The following SLC12A2 variants were observed in gnomAD, a reference collection of about 807,000 sequenced individuals.
SLC12A2 encodes Na-K-2Cl cotransporter 1.
A neutral mutation model predicts 136.3 loss-of-function variants in SLC12A2; 67 were observed. The ratio of observed to expected loss-of-function variants is 0.49; its 90% CI spans 0.40 to 0.60. The LOEUF (loss-of-function observed/expected upper bound fraction) is 0.60. SLC12A2 is among the 20% of genes least tolerant of loss of function. The pLI, the probability that SLC12A2 is intolerant of heterozygous loss-of-function variation, is 0.00. For synonymous variants in SLC12A2, 619 were observed against 562.9 expected (o/e 1.10, Z -1.41); for missense variants, 1,322 against 1,534.7 (o/e 0.86, Z 2.32).
intron 4 of SLC12A2, among the ~76,000 whole-genome samples, chr5:128,115,395 G>A (rs1194089734): frequency 6.6e-6 from 1 of 152,092 alleles, no homozygotes; most frequent in Non-Finnish European, 1.5e-5. Context: ...AAAGTGCTGG[G>A]ATTACAGGTG....
In SLC12A2 at chr5:128,137,938, C is replaced by CTT. The variant is rs775118655; in HGVS notation, c.1409-646_1409-645dup. 7.4e-3 allele frequency among the ~76,000 whole-genome samples: 1,051 copies of CTT among 141,856 alleles called. 9 individuals carry two copies. The highest frequency in any genetic ancestry group is 0.011 in the Middle Eastern group (3 of 276). The allele number at this position is 141,856 out of a possible 152,430, so 93.1% of individuals were successfully genotyped here. On this transcript the variant is annotated intron_variant, in intron 7 of 26. Coordinates refer to ENST00000262461, the MANE Select transcript of SLC12A2 (RefSeq NM_001046.3). ...TTATTATGATGTTGCTTTTGTTTTC[C>CTT]TTTTTTTTTTTTTTCTTGAGATGGG...
intron 13 of SLC12A2, 103 bp downstream of exon 13, chr5:128,150,201 A>G (rs908744121): frequency 2.9e-6 from 2 of 700,422 alleles, no homozygotes; most frequent in South Asian, 1.7e-5. Context: ...GGGTTAGTTC[A>G]TTAATGCCAA....
intron 1 of SLC12A2, among the ~76,000 whole-genome samples, chr5:128,107,482 C>T (rs1429474964): frequency 1.3e-5 from 2 of 152,284 alleles, no homozygotes; most frequent in East Asian, 1.9e-4. Flanking sequence ...GTGATGTTCC[C>T]CTCACTGTGT....
At chr5:128,133,220 G>A (rs1762085768) in intron 5 of SLC12A2, among the ~76,000 whole-genome samples, 1 of 151,882 alleles carries the variant, frequency 6.6e-6, no homozygotes, top group African/African-American at 2.4e-5. Flanking sequence ...AAATTGAATG[G>A]GACCCTTGAA....
rs145906084 is a variant in SLC12A2, at chr5:128,161,660, G to A, written c.2476G>A (p.Gly826Ser). Reference sequence around the variant, plus strand: ...ATATTATTAATATTTTTATTCAAAGGGTCCTCGAAGACAAGCCATGAAAGA... The same window carrying A: ...ATATTATTAATATTTTTATTCAAAGAGTCCTCGAAGACAAGCCATGAAAGA... ...GLMICGHVHM[G>S]PRRQAMKEMS... The change falls in exon 17 of 27, where the codon GGT (glycine) becomes AGT (serine). Residue 826 changes from glycine (G) to serine (S), a missense_variant and splice_region_variant. Gly to Ser is a moderately conservative substitution (Grantham distance 56). This residue lies in a region of SLC12A2 where 294 missense variants were observed against 436.6 expected (regional missense o/e 0.67). Transcript: ENST00000262461. 112 of 1,380,092 alleles carry A rather than the reference G, an allele frequency of 8.1e-5. No individual in the cohort carries two copies. In the African/African-American group the frequency reaches 1.6e-3, roughly 19 times the overall value. 85.5% of individuals were successfully genotyped at this position (1,380,092 alleles called of 1,614,324 possible). A position where few individuals can be genotyped will look rare whatever the true frequency, so the allele number is the denominator to read the frequency against.
At chr5:128,146,620 A>G (rs1300252928) in intron 10 of SLC12A2, among the ~76,000 whole-genome samples, 2 of 151,320 alleles carry the variant, frequency 1.3e-5, no homozygotes, top group Non-Finnish European at 3.0e-5. Flanking sequence ...TAGTATCTAC[A>G]TTACCCAGCT....
At chr5:128,085,542 C>T (rs1760070187) in intron 1 of SLC12A2, among the ~76,000 whole-genome samples, 1 of 152,192 alleles carries the variant, frequency 6.6e-6, no homozygotes. Context: ...ATTTCTTCAG[C>T]GTTCAATGTC....
chr5:128,179,948 CTTTTTTTTTTTTTTTT>C (rs70997365), intron 22 of SLC12A2, among the ~76,000 whole-genome samples: 61 of 50,454 alleles, frequency 1.2e-3, no homozygotes, highest in Non-Finnish European at 1.5e-3. Context: ...CCAATCGTTC[CTTTTTTTTTTTTTTTT>C]TTTTTTTTTT....
intron 1 of SLC12A2, among the ~76,000 whole-genome samples, chr5:128,092,231 A>G (rs1464089156): frequency 6.6e-6 from 1 of 152,230 alleles, no homozygotes; most frequent in Non-Finnish European, 1.5e-5. Flanking sequence ...CAGTATCTCA[A>G]TACCTCTCAT....
chr5:128,167,619 G>GTAAA (rs1406246519), intron 17 of SLC12A2, 142 bp from the exon 18 acceptor site: 2 of 509,236 alleles, frequency 3.9e-6, no homozygotes, highest in Non-Finnish European at 6.8e-6. Flanking sequence ...TAATTTATAA[G>GTAAA]TAAATATGAA....
At chr5:128,101,287 G>A (rs758985584) in intron 1 of SLC12A2, among the ~76,000 whole-genome samples, 93 of 152,134 alleles carry the variant, frequency 6.1e-4, no homozygotes, top group Admixed American at 1.2e-3. Flanking sequence ...CGGCCACTTT[G>A]GGGTCAAAAT....
At position 128,084,146 on chromosome 5, in the gene SLC12A2, CG is replaced by C. The variant is rs1245484410; in HGVS notation, c.196del (p.Asp66ThrfsTer76). The part of the protein sequence containing the change: ...GVRDEGPAAA[G>X]DGLGRPLGPT... ...TCCGCGATGAGGGCCCCGCGGCGGCCGGGGACGGGCTGGGCAGACCCTTGGG... is the reference window on the plus strand; with the variant it reads ...TCCGCGATGAGGGCCCCGCGGCGGCCGGGACGGGCTGGGCAGACCCTTGGG... On this transcript the variant is annotated frameshift_variant, in exon 1 of 27. Transcript: ENST00000262461. LOFTEE classifies it high-confidence loss of function. This position sits in a 1 kb window ranked among gnomAD's most constrained non-coding sequence, Gnocchi z 5.6. 3 of 1,294,526 alleles carry C rather than the reference CG, an allele frequency of 2.3e-6. No individual in the cohort carries two copies. Among genetic ancestry groups the C allele is most frequent in the Non-Finnish European group, 2.9e-6 (3 of 1,027,622 alleles). The allele number at this position is 1,294,526 out of a possible 1,614,324, so 80.2% of individuals were successfully genotyped here.
At chr5:128,144,053 A>G (rs1005361532) in intron 10 of SLC12A2, among the ~76,000 whole-genome samples, 3 of 151,998 alleles carry the variant, frequency 2.0e-5, no homozygotes, top group African/African-American at 7.2e-5. Context: ...GTAGGAATGA[A>G]AGAAAGTATT....
At chr5:128,120,794 G>A (rs1443458596) in intron 4 of SLC12A2, among the ~76,000 whole-genome samples, 1 of 151,868 alleles carries the variant, frequency 6.6e-6, no homozygotes, top group Non-Finnish European at 1.5e-5. Flanking sequence ...CACCAGCATG[G>A]CACATGTGTA....
intron 20 of SLC12A2, among the ~76,000 whole-genome samples, chr5:128,176,497 T>A (rs1442793528): frequency 2.0e-5 from 3 of 152,010 alleles, no homozygotes; most frequent in Non-Finnish European, 4.4e-5. Context: ...TAGATATTTT[T>A]AAATATAAAT....
chr5:128,118,432 G>A (rs1399690180), intron 4 of SLC12A2, among the ~76,000 whole-genome samples: 1 of 152,206 alleles, frequency 6.6e-6, no homozygotes, highest in Non-Finnish European at 1.5e-5. Flanking sequence ...AACCTGCATG[G>A]AGTTGGAGAC....
chr5:128,110,462 A>C, intron 1 of SLC12A2: 1 of 1,282,932 alleles, frequency 7.8e-7, no homozygotes, highest in Non-Finnish European at 1.1e-6. Flanking sequence ...CAGTAGAAAC[A>C]CCCTGAACTC....
At chr5:128,120,418 A>G (rs1321589971) in intron 4 of SLC12A2, among the ~76,000 whole-genome samples, 3 of 151,618 alleles carry the variant, frequency 2.0e-5, no homozygotes, top group Non-Finnish European at 4.4e-5. Context: ...ACGTATGTTT[A>G]TTGTGGCACT....
At chr5:128,096,466 C>T (rs913345783) in intron 1 of SLC12A2, among the ~76,000 whole-genome samples, 5 of 151,890 alleles carry the variant, frequency 3.3e-5, no homozygotes, top group Non-Finnish European at 7.4e-5. Context: ...AATGTTATGG[C>T]AAATAACTCT....
Sources: gnomAD v4.1 joint callset for allele counts (sites outside exome capture counted in the v4.1 genomes callset) on GRCh38, gnomAD v4.1.1 for gene constraint, gnomAD v4.1.1 regional missense constraint, Gnocchi (gnomAD v3.1) non-coding constraint, MANE v1.5 for transcripts, NCBI Gene and HGNC (gene_info 2026-07-23, HGNC 2026-07-21) for gene names.